ADK: variants seen among roughly 807,000 people sequenced by gnomAD.
ADK encodes the protein adenosine kinase.
Under a neutral mutation model 44.7 loss-of-function variants are expected in ADK, and 24 were observed. That is an observed-to-expected ratio of 0.54 (90% CI 0.39 to 0.76). The LOEUF (loss-of-function observed/expected upper bound fraction) is 0.76, where lower values mean the gene tolerates loss of function less well. ADK is among the 30% of genes least tolerant of loss of function. ADK has a pLI of 0.00. For synonymous variants in ADK, 128 were observed against 142.6 expected (o/e 0.90, Z 0.73); for missense variants, 321 against 425.1 (o/e 0.76, Z 2.15).
At chr10:74,453,069 T>C (rs1845828110) in intron 6 of ADK, among the ~76,000 whole-genome samples, 1 of 152,064 alleles carries the variant, frequency 6.6e-6, no homozygotes, top group Non-Finnish European at 1.5e-5. Context: ...AGTAAAATAT[T>C]TAACAGAAAT....
intron 3 of ADK, among the ~76,000 whole-genome samples, chr10:74,268,306 A>G (rs1460800346): frequency 6.6e-6 from 1 of 152,104 alleles, no homozygotes; most frequent in African/African-American, 2.4e-5. Context: ...CAACAGAGCA[A>G]GTCACCATAT....
At chr10:74,707,488 T>C (rs1856645178) in intron 10 of ADK, among the ~76,000 whole-genome samples, 1 of 151,950 alleles carries the variant, frequency 6.6e-6, no homozygotes, top group Non-Finnish European at 1.5e-5. Context: ...CCTGGCTGGG[T>C]GTGGTGGCTC....
intron 10 of ADK, among the ~76,000 whole-genome samples, chr10:74,681,419 A>G (rs939061065): frequency 6.6e-6 from 1 of 152,228 alleles, no homozygotes; most frequent in African/African-American, 2.4e-5. Flanking sequence ...CCCCTATTTG[A>G]TGAATGAAGA....
At chr10:74,219,429 A>C (rs1029544246) in intron 2 of ADK, among the ~76,000 whole-genome samples, 3 of 152,188 alleles carry the variant, frequency 2.0e-5, no homozygotes, top group Non-Finnish European at 1.5e-5. Context: ...GGGAGACTTT[A>C]ACACCCCACT....
chr10:74,353,944 C>T (rs1842051445), intron 4 of ADK, among the ~76,000 whole-genome samples: 1 of 152,172 alleles, frequency 6.6e-6, no homozygotes, highest in Non-Finnish European at 1.5e-5. Flanking sequence ...TTCTGAATTA[C>T]AGAAAGTCAT....
intron 1 of ADK, 50 bp downstream of exon 1, chr10:74,151,393 C>T (rs1026564490): frequency 2.3e-5 from 35 of 1,542,296 alleles, no homozygotes; most frequent in Non-Finnish European, 2.8e-5. Context: ...GCAAGCAAGC[C>T]AGGGCCCACG....
chr10:74,270,509 C>T (rs934778810), intron 3 of ADK, among the ~76,000 whole-genome samples: 7 of 152,254 alleles, frequency 4.6e-5, no homozygotes, highest in African/African-American at 1.7e-4. Flanking sequence ...GCCATTGTTC[C>T]ACCTCGGCCT....
chr10:74,699,193 G>T, intron 10 of ADK, among the ~76,000 whole-genome samples: 2 of 140,322 alleles, frequency 1.4e-5, no homozygotes, highest in Non-Finnish European at 1.5e-5. Context: ...ACATTTATCT[G>T]CTATAGTGTT....
chr10:74,665,736 TGAGAGAGA>T (rs59620474), intron 9 of ADK, among the ~76,000 whole-genome samples: 2,820 of 116,170 alleles, frequency 0.024, 56 homozygotes, highest in East Asian at 0.099. Flanking sequence ...CCTTAGCTCT[TGAGAGAGA>T]GAGAGAGAGA....
At position 74,161,808 on chromosome 10, in the gene ADK, C is replaced by T. The variant is rs1466199618; in HGVS notation, c.65+10465C>T. On this transcript the variant is annotated intron_variant, in intron 1 of 10. Coordinates refer to ENST00000539909, the MANE Select transcript of ADK (RefSeq NM_006721.4). ...GCAGCTTTGACCTCCCAGGCTCAAG[C>T]GATCCTCCTATCTCAGCCTCCAGAG... Among the ~76,000 whole-genome samples, 5 of 151,932 alleles carry T rather than the reference C, an allele frequency of 3.3e-5. No homozygotes were observed. The South Asian group carries it at 1.0e-3, about 32-fold the overall frequency.
At position 74,672,955 on chromosome 10, in the gene ADK, C is replaced by T. The variant is rs538725128; in HGVS notation, c.964+2686C>T. Among the ~76,000 whole-genome samples, 10 of 152,264 alleles carry T rather than the reference C, an allele frequency of 6.6e-5. No individual in the cohort carries two copies. The South Asian group carries it at 2.1e-3, about 32-fold the overall frequency. On this transcript the variant is annotated intron_variant, in intron 10 of 10. Transcript: ENST00000539909. ...AGAAAGTCTGGCTCCAAAGTCAGTG[C>T]TTTTACTCACCACACTAATACTGCT...
intron 1 of ADK, among the ~76,000 whole-genome samples, chr10:74,173,258 T>C (rs1473708940): frequency 6.8e-6 from 1 of 147,354 alleles, no homozygotes; most frequent in Non-Finnish European, 1.5e-5. Flanking sequence ...GCCCGGCTAA[T>C]TTTTTTTTTA....
intron 4 of ADK, chr10:74,344,819 A>T (rs911314323): frequency 7.3e-5 from 13 of 178,772 alleles, no homozygotes; most frequent in Non-Finnish European, 1.4e-4. Context: ...CTTTTGGTAC[A>T]TTTATTAGTC....
chr10:74,332,514 C>T (rs1841254694), intron 4 of ADK, among the ~76,000 whole-genome samples: 1 of 152,268 alleles, frequency 6.6e-6, no homozygotes, highest in Non-Finnish European at 1.5e-5. Context: ...GTTTTCAACA[C>T]AGAAAAGCAT....
chr10:74,655,513 T>C (rs1274846666), intron 9 of ADK: 3 of 494,892 alleles, frequency 6.1e-6, no homozygotes, highest in Non-Finnish European at 1.2e-5. Flanking sequence ...CAGGGTGGCT[T>C]TTTAAGGAAG....
rs150030020 is a variant in ADK, at chr10:74,406,505, A to AAATAATAAT, written c.555+7941_555+7949dup. Among the ~76,000 whole-genome samples, 25 of 133,976 alleles carry AAATAATAAT rather than the reference A, an allele frequency of 1.9e-4. 1 individual carries two copies. Among genetic ancestry groups the AAATAATAAT allele is most frequent in the Middle Eastern group, 7.6e-3 (2 of 262 alleles). The allele number at this position is 133,976 out of a possible 152,430, so 87.9% of individuals were successfully genotyped here. On this transcript the variant is annotated intron_variant, in intron 6 of 10. Transcript: ENST00000539909. The stretch of plus-strand genomic sequence containing the variant: ...CCATCTACCTTTGGGACTCCGATTA[A>AAATAATAAT]AATAATAATAATAATAATAATAAGA...
chr10:74,372,469 A>G, intron 4 of ADK: 1 of 400,908 alleles, frequency 2.5e-6, no homozygotes, highest in African/African-American at 2.2e-5. Context: ...GACGGAAAAT[A>G]AATGTCAGTT....
At chr10:74,481,695 C>CT (rs1318534257) in intron 6 of ADK, among the ~76,000 whole-genome samples, 1 of 151,648 alleles carries the variant, frequency 6.6e-6, no homozygotes, top group Non-Finnish European at 1.5e-5. Flanking sequence ...TACTTTGCTA[C>CT]TTTTTTTTTC....
chr10:74,653,530 A>G (rs1168561115), intron 9 of ADK, among the ~76,000 whole-genome samples: 1 of 152,128 alleles, frequency 6.6e-6, no homozygotes, highest in African/African-American at 2.4e-5. Flanking sequence ...CTGGTGCTGC[A>G]GCTTCTATTC....
Sources: gnomAD v4.1 joint callset for allele counts (sites outside exome capture counted in the v4.1 genomes callset) on GRCh38, gnomAD v4.1.1 for gene constraint, MANE v1.5 for transcripts, NCBI Gene and HGNC (gene_info 2026-07-23, HGNC 2026-07-21) for gene names.